The following USP6 variants were observed in gnomAD, a reference collection of about 807,000 sequenced individuals.
USP6 encodes ubiquitin specific peptidase 6, also known as ubiquitin carboxyl-terminal hydrolase 6.
USP6 carries 128 observed loss-of-function variants against 175.7 expected under a neutral mutation model. That is an observed-to-expected ratio of 0.73 (90% CI 0.63 to 0.84). The LOEUF is 0.84. Ranked by LOEUF, USP6 falls within the 40% of genes least tolerant of loss-of-function variation. The pLI, the probability that USP6 is intolerant of heterozygous loss-of-function variation, is 0.00. For missense variants in USP6, 1,498 were observed against 1,760.3 expected (o/e 0.85, Z 2.67); for synonymous variants, 562 against 630.6 (o/e 0.89, Z 1.63).
chr17:5,133,594 G>A (rs776028008), intron 14 of USP6, 44 bp downstream of exon 14: 4 of 1,563,924 alleles, frequency 2.6e-6, no homozygotes, highest in Non-Finnish European at 1.8e-6. Context: ...GCCGTGTCAG[G>A]GGCCCAGGTC....
At chr17:5,155,682 G>T in intron 31 of USP6, 76 bp downstream of exon 31, 1 of 1,441,570 alleles carries the variant, frequency 6.9e-7, no homozygotes, top group Non-Finnish European at 9.3e-7. Context: ...CTACATGACA[G>T]ATAGGGCCCA....
chr17:5,125,672 G>A (rs56921850), intron 5 of USP6, 149 bp from the exon 6 acceptor site: 3,830 of 24,284 alleles, frequency 0.16, 104 homozygotes, highest in African/African-American at 0.24. Context: ...GCACACACAC[G>A]CACATGCACA....
rs749028471 is a variant in USP6, at chr17:5,155,569, C to T, written c.2791C>T (p.Leu931Phe). The change falls in exon 31 of 38, where the codon CTC becomes TTC. Residue 931 changes from leucine (L) to phenylalanine (F), a missense_variant. Leu to Phe is a conservative substitution (Grantham distance 22). Transcript: ENST00000574788. ...WIQVSWLARP[L>F]PPQEASIHAQ... ...TCAAGTATCCTGGTTAGCAAGACCA[C>T]TCCCACCTCAGGAAGCTAGTATTCA... 4 of 1,614,014 alleles carry T rather than the reference C, an allele frequency of 2.5e-6. No homozygotes were observed. Among genetic ancestry groups the T allele is most frequent in the South Asian group, 1.1e-5 (1 of 91,076 alleles).
At chr17:5,162,763 T>C in intron 32 of USP6, 121 bp from the exon 33 acceptor site, 1 of 1,400,628 alleles carries the variant, frequency 7.1e-7, no homozygotes, top group Non-Finnish European at 9.5e-7. Context: ...TAGAAGCCCA[T>C]GACAAATTGT....
chr17:5,143,583 C>A (rs1190197682), intron 25 of USP6, among the ~76,000 whole-genome samples: 1 of 151,614 alleles, frequency 6.6e-6, no homozygotes, highest in Non-Finnish European at 1.5e-5. Context: ...CATCACCACT[C>A]CCTAATCTCA....
At position 5,135,245 on chromosome 17, in the gene USP6, T is replaced by G; in HGVS notation, c.506T>G (p.Leu169Arg). 1 of 1,612,944 alleles carries G rather than the reference T, an allele frequency of 6.2e-7. No individual in the cohort carries two copies. The highest frequency in any genetic ancestry group is 1.3e-5 in the African/African-American group (1 of 75,034). Residue 169 changes from leucine (L) to arginine (R), a missense_variant, in exon 16 of 38, where the codon CTA becomes CGA. Physicochemically the swap from Leu to Arg is moderately radical, Grantham distance 102. Transcript: ENST00000574788. ...RDRYGAKQRE[L>R]FYILLAYSEY... ...TCTGTGTTTCCTAGGCAGAGGGAAC[T>G]ATTCTACATCCTCCTGGCCTATTCG...
At chr17:5,145,722 T>A in intron 27 of USP6, 143 bp downstream of exon 27, 1 of 1,233,368 alleles carries the variant, frequency 8.1e-7, no homozygotes, top group Non-Finnish European at 1.1e-6. Context: ...ATTTTAGGCA[T>A]GACTTGAGGT....
intron 31 of USP6, among the ~76,000 whole-genome samples, chr17:5,159,658 G>A (rs1207826147): frequency 1.3e-5 from 2 of 152,128 alleles, no homozygotes; most frequent in Admixed American, 1.3e-4. Flanking sequence ...GTTCTGGAAC[G>A]TATGAGAATA....
At chr17:5,122,546 G>A (rs559730038) in intron 4 of USP6, among the ~76,000 whole-genome samples, 1 of 152,226 alleles carries the variant, frequency 6.6e-6, no homozygotes, top group Admixed American at 6.5e-5. Context: ...CGTGCCACCC[G>A]GGAGGCCGAA....
At position 5,172,174 on chromosome 17, in the gene USP6, CAA is replaced by C. The variant is rs539259328; in HGVS notation, c.4047+511_4047+512del. On this transcript the variant is annotated intron_variant, in intron 37 of 37. Transcript: ENST00000574788. ...CGAGCAACAGAGCAAGGCTCTGTCT[CAA>C]AAAAAAAAAAAAAAAGTAGTTAGTT... Among the ~76,000 whole-genome samples, 778 of 99,862 alleles carry C rather than the reference CAA, an allele frequency of 7.8e-3. 10 individuals are homozygous for C. Among genetic ancestry groups the C allele is most frequent in the African/African-American group, 0.025 (700 of 27,630 alleles). The allele number at this position is 99,862 out of a possible 152,430, so 65.5% of individuals were successfully genotyped here. A position where few individuals can be genotyped will look rare whatever the true frequency, so the allele number is the denominator to read the frequency against.
At chr17:5,146,867 T>C (rs1354331849) in intron 28 of USP6, among the ~76,000 whole-genome samples, 4 of 152,222 alleles carry the variant, frequency 2.6e-5, no homozygotes, top group Non-Finnish European at 4.4e-5. Flanking sequence ...AACACACTTC[T>C]TCCTGTGAAA....
chr17:5,171,278 T>A (rs1431011551), intron 36 of USP6, among the ~76,000 whole-genome samples: 1 of 152,108 alleles, frequency 6.6e-6, no homozygotes, highest in African/African-American at 2.4e-5. Flanking sequence ...AGGTCAAGTC[T>A]TTAGAGAGTT....
chr17:5,142,769 G>A (rs974393365), intron 25 of USP6, among the ~76,000 whole-genome samples: 1 of 152,180 alleles, frequency 6.6e-6, no homozygotes, highest in African/African-American at 2.4e-5. Context: ...CTTATATGAA[G>A]AGTAAACCTT....
intron 30 of USP6, among the ~76,000 whole-genome samples, chr17:5,151,782 G>C (rs915525690): frequency 6.6e-6 from 1 of 152,148 alleles, no homozygotes; most frequent in Admixed American, 6.6e-5. Flanking sequence ...GGGACAATTA[G>C]ATATCCATAT....
chr17:5,149,732 G>A (rs1398882967), intron 30 of USP6, among the ~76,000 whole-genome samples: 9 of 151,166 alleles, frequency 6.0e-5, no homozygotes, highest in African/African-American at 1.7e-4. Flanking sequence ...AATGTTCTTC[G>A]GCAAAATCAA....
At chr17:5,154,410 A>T (rs2073837443) in intron 30 of USP6, among the ~76,000 whole-genome samples, 1 of 152,202 alleles carries the variant, frequency 6.6e-6, no homozygotes, top group Admixed American at 6.5e-5. Flanking sequence ...ATTATACTAA[A>T]TGTTTATTAA....
rs747553494 is a variant in USP6 at position 5,168,140 on chromosome 17, C to T, written c.3228+17C>T. On this transcript the variant is annotated intron_variant, in intron 34 of 37. Coordinates refer to ENST00000574788, the MANE Select transcript of USP6 (RefSeq NM_001304284.2). The stretch of plus-strand genomic sequence containing the variant: ...CCCTTCCTGGTATGTTACGGTCCTG[C>T]CTCTGAGAGAGCAGGAATCTAGCAT... 1.9e-6 allele frequency: 3 copies of T among 1,568,522 alleles called. No homozygotes were observed. The highest frequency in any genetic ancestry group is 2.6e-6 in the Non-Finnish European group (3 of 1,151,632).
intron 21 of USP6, 85 bp from the exon 22 acceptor site, chr17:5,139,170 C>A (rs768841507): frequency 3.1e-6 from 5 of 1,598,064 alleles, no homozygotes; most frequent in Non-Finnish European, 4.2e-6. Flanking sequence ...CCCAAGGACT[C>A]CAGAGATGCA....
intron 14 of USP6, 97 bp downstream of exon 14, chr17:5,133,647 T>C: frequency 7.1e-6 from 3 of 419,682 alleles, no homozygotes; most frequent in Non-Finnish European, 8.9e-6. Flanking sequence ...GGTGGGGGGG[T>C]GGGAGGGGAT....
Sources: gnomAD v4.1 joint callset for allele counts (sites outside exome capture counted in the v4.1 genomes callset) on GRCh38, gnomAD v4.1.1 for gene constraint, MANE v1.5 for transcripts, NCBI Gene and HGNC (gene_info 2026-07-23, HGNC 2026-07-21) for gene names.